The following MICU1 variants were observed in gnomAD, a reference collection of about 807,000 sequenced individuals.
MICU1 encodes calcium uptake protein 1, mitochondrial.
MICU1 carries 45 observed loss-of-function variants against 56.8 expected under a neutral mutation model. The ratio of observed to expected loss-of-function variants is 0.79; its 90% CI spans 0.62 to 1.02. The LOEUF (loss-of-function observed/expected upper bound fraction) is 1.02. Ranked by LOEUF, MICU1 falls within the 50% of genes least tolerant of loss-of-function variation. The pLI is 0.00. For synonymous variants in MICU1, 186 were observed against 195.1 expected (o/e 0.95, Z 0.39); for missense variants, 504 against 587.1 (o/e 0.86, Z 1.46).
intron 8 of MICU1, among the ~76,000 whole-genome samples, chr10:72,425,192 C>A (rs1033238852): frequency 7.2e-5 from 11 of 152,236 alleles, no homozygotes; most frequent in African/African-American, 9.6e-5. Flanking sequence ...CAAGGCTGTG[C>A]TCCCTGCTCT....
intron 1 of MICU1, among the ~76,000 whole-genome samples, chr10:72,573,689 C>T (rs1485699354): frequency 6.6e-6 from 1 of 151,920 alleles, no homozygotes; most frequent in African/African-American, 2.4e-5. Context: ...TTAAATTAGG[C>T]AAATAAAATT....
intron 10 of MICU1, among the ~76,000 whole-genome samples, chr10:72,398,482 CA>C (rs1863341049): frequency 6.6e-6 from 1 of 150,748 alleles, no homozygotes; most frequent in Non-Finnish European, 1.5e-5. Flanking sequence ...AAAAACCCTT[CA>C]AAAGATCAAT....
chr10:72,450,213 T>C (rs562511929), intron 8 of MICU1, among the ~76,000 whole-genome samples: 56 of 151,836 alleles, frequency 3.7e-4, no homozygotes, highest in African/African-American at 1.4e-3. Context: ...TGATCTAATT[T>C]GGGGTGGAGA....
At chr10:72,422,111 G>A (rs1389583331) in intron 9 of MICU1, among the ~76,000 whole-genome samples, 1 of 152,148 alleles carries the variant, frequency 6.6e-6, no homozygotes, top group Non-Finnish European at 1.5e-5. Context: ...TTGGAGATGG[G>A]GCCTTAGAGG....
intron 10 of MICU1, among the ~76,000 whole-genome samples, chr10:72,395,464 G>A (rs923253656): frequency 1.3e-5 from 2 of 152,152 alleles, no homozygotes; most frequent in Non-Finnish European, 1.5e-5. Flanking sequence ...AGAGTGAGTC[G>A]AAGCAGGGCG....
In MICU1 at chr10:72,562,147, C is replaced by CTTTTTTTTTTTTTT. The variant is rs533702573; in HGVS notation, c.330+734_330+747dup. 8.5e-5 allele frequency among the ~76,000 whole-genome samples: 7 copies of CTTTTTTTTTTTTTT among 82,650 alleles called. 1 individual carries two copies. Among genetic ancestry groups the CTTTTTTTTTTTTTT allele is most frequent in the Non-Finnish European group, 1.3e-4 (6 of 45,680 alleles). The allele number at this position is 82,650 out of a possible 152,430, so 54.2% of individuals were successfully genotyped here. On this transcript the variant is annotated intron_variant, in intron 3 of 11. Coordinates refer to ENST00000361114, the MANE Select transcript of MICU1 (RefSeq NM_001195518.2). The stretch of plus-strand genomic sequence containing the variant: ...GCAGGTTGTGTTAATTACATAAAAT[C>CTTTTTTTTTTTTTT]TTTTTTTTTTTTTTTTTTTTTTTTG...
At chr10:72,550,468 G>A (rs906637060) in intron 4 of MICU1, among the ~76,000 whole-genome samples, 3 of 152,122 alleles carry the variant, frequency 2.0e-5, no homozygotes, top group East Asian at 1.9e-4. Context: ...TAAGTGGCCC[G>A]TGACGGTACA....
intron 8 of MICU1, among the ~76,000 whole-genome samples, chr10:72,426,113 G>T (rs1864338634): frequency 6.6e-6 from 1 of 152,154 alleles, no homozygotes; most frequent in African/African-American, 2.4e-5. Context: ...CGCCTTCTGG[G>T]TTCAAGTGAT....
intron 1 of MICU1, among the ~76,000 whole-genome samples, chr10:72,621,710 A>G (rs1046501869): frequency 7.9e-5 from 12 of 152,202 alleles, no homozygotes; most frequent in African/African-American, 2.9e-4. Flanking sequence ...TGGCTAATAC[A>G]TAATATATTT....
chr10:72,566,026 A>G (rs1331379670), intron 2 of MICU1, among the ~76,000 whole-genome samples: 1 of 150,000 alleles, frequency 6.7e-6, no homozygotes, highest in Non-Finnish European at 1.5e-5. Flanking sequence ...AAGTCTCAGA[A>G]AGCATTCATT....
intron 10 of MICU1, among the ~76,000 whole-genome samples, chr10:72,387,816 G>A (rs1280697907): frequency 2.7e-5 from 4 of 149,028 alleles, no homozygotes; most frequent in African/African-American, 9.9e-5. Flanking sequence ...CACTTTTTAT[G>A]ATGTTGCCAT....
intron 9 of MICU1, 46 bp downstream of exon 9, chr10:72,423,188 A>G (rs765743382): frequency 1.9e-6 from 3 of 1,591,418 alleles, no homozygotes; most frequent in Non-Finnish European, 8.6e-7. Context: ...AATAATAACC[A>G]TACATTACCA....
At chr10:72,549,624 A>G (rs1839982536) in intron 4 of MICU1, among the ~76,000 whole-genome samples, 1 of 152,004 alleles carries the variant, frequency 6.6e-6, no homozygotes, top group Non-Finnish European at 1.5e-5. Context: ...GTCTTCCTAT[A>G]TACTCTCTAA....
intron 1 of MICU1, among the ~76,000 whole-genome samples, chr10:72,573,307 C>CAAAAAAAAAAAAAAAA (rs58866778): frequency 9.5e-5 from 2 of 21,040 alleles, no homozygotes; most frequent in African/African-American, 2.2e-4. Context: ...CCCATCACTA[C>CAAAAAAAAAAAAAAAA]AAAAAAAAAA....
intron 8 of MICU1, among the ~76,000 whole-genome samples, chr10:72,434,015 C>T (rs1224373546): frequency 1.3e-5 from 2 of 151,692 alleles, no homozygotes; most frequent in African/African-American, 4.8e-5. Flanking sequence ...TCACATTCCC[C>T]TTGTGGAAGG....
chr10:72,568,331 T>A (rs1353886198), intron 1 of MICU1, among the ~76,000 whole-genome samples: 1 of 152,238 alleles, frequency 6.6e-6, no homozygotes, highest in Non-Finnish European at 1.5e-5. Flanking sequence ...ATTACTTTTC[T>A]ACTTTTTTCT....
At chr10:72,372,574 C>T (rs1188947065) in intron 11 of MICU1, among the ~76,000 whole-genome samples, 1 of 152,208 alleles carries the variant, frequency 6.6e-6, no homozygotes, top group African/African-American at 2.4e-5. Context: ...TGTGGTGGCT[C>T]ATGCCTGTAA....
At chr10:72,464,295 C>CAAAAAA (rs58499998) in intron 8 of MICU1, among the ~76,000 whole-genome samples, 5 of 100,016 alleles carry the variant, frequency 5.0e-5, no homozygotes, top group East Asian at 4.5e-4. Flanking sequence ...GATTCTGTCT[C>CAAAAAA]AAAAAAAAAA....
chr10:72,372,566 T>G (rs1862380870), intron 11 of MICU1, among the ~76,000 whole-genome samples: 1 of 152,146 alleles, frequency 6.6e-6, no homozygotes, highest in Admixed American at 6.5e-5. Flanking sequence ...AGGCCAGGTG[T>G]GGTGGCTCAT....
Sources: allele counts gnomAD v4.1 joint callset (sites outside exome capture counted in the v4.1 genomes callset), GRCh38; gene constraint gnomAD v4.1.1; transcripts MANE v1.5; gene names NCBI Gene and HGNC (gene_info 2026-07-23, HGNC 2026-07-21).